LOX: variants seen among roughly 807,000 people sequenced by gnomAD.
The protein encoded by LOX is lysyl oxidase, also known as protein-lysine 6-oxidase.
LOX carries 12 observed loss-of-function variants against 50.5 expected under a neutral mutation model. That is an observed-to-expected ratio of 0.24 (90% confidence interval 0.15 to 0.38). The LOEUF (loss-of-function observed/expected upper bound fraction) is 0.38, where lower values mean the gene tolerates loss of function less well. Among genes scored for constraint, LOX ranks in the 10% least tolerant of loss-of-function variants. The probability of loss-of-function intolerance (pLI) is 1.00; values close to 1 mark genes in which losing one functional copy is unlikely to be tolerated. For missense variants in LOX, 504 were observed against 563.8 expected (o/e 0.89, Z 1.07); for synonymous variants, 254 against 230.6 (o/e 1.10, Z -0.92).
chr5:122,073,234 G>T (rs1754502960), intron 4 of LOX, among the ~76,000 whole-genome samples: 1 of 151,988 alleles, frequency 6.6e-6, no homozygotes, highest in African/African-American at 2.4e-5. Context: ...ACAAATTAGG[G>T]TTTCATATGG....
chr5:122,076,169 T>C (rs894617046), intron 2 of LOX: 1 of 152,242 alleles, frequency 6.6e-6, no homozygotes, highest in East Asian at 1.9e-4. Context: ...CTGACAATTA[T>C]AAAGGGTCAA....
In LOX at chr5:122,063,767, G is replaced by A. The variant is rs1001166914; in HGVS notation, c.*2976C>T. On this transcript the variant is annotated 3_prime_UTR_variant, in exon 7 of 7. Transcript: ENST00000231004. ...CAGTATTTTCATGCAATCTGCTAAAGATTAACTCTCAGTGCCAGGAAAATT... is the reference window on the plus strand; with the variant it reads ...CAGTATTTTCATGCAATCTGCTAAAAATTAACTCTCAGTGCCAGGAAAATT... 1 of 151,870 alleles carries A rather than the reference G, an allele frequency of 6.6e-6. No homozygotes were observed. The highest frequency in any genetic ancestry group is 2.4e-5 in the African/African-American group (1 of 41,390). The allele number at this position is 151,870 out of a possible 1,614,324, so 9.4% of individuals were successfully genotyped here. A position where few individuals can be genotyped will look rare whatever the true frequency, so the allele number is the denominator to read the frequency against.
In LOX at chr5:122,063,850, A is replaced by G. The variant is rs565941498; in HGVS notation, c.*2893T>C. 9.5e-4 allele frequency: 144 copies of G among 152,068 alleles called. No homozygotes were observed. Among genetic ancestry groups the G allele is most frequent in the African/African-American group, 3.4e-3 (141 of 41,530 alleles). The allele number at this position is 152,068 out of a possible 1,614,324, so 9.4% of individuals were successfully genotyped here. A position where few individuals can be genotyped will look rare whatever the true frequency, so the allele number is the denominator to read the frequency against. On this transcript the variant is annotated 3_prime_UTR_variant, in exon 7 of 7. Transcript: ENST00000231004. ...ATTGGGAATGTTTATAAGTGTGACT[A>G]TCCTATGAGATTTCAAAGAGAAAAA...
Position 122,070,584 on chromosome 5 carries a change from C to T in LOX, c.1041G>A (p.Leu347=). The T allele has an allele frequency of 6.4e-7, 1 of 1,571,242 alleles. No individual in the cohort carries two copies. The highest frequency in any genetic ancestry group is 1.4e-5 in the African/African-American group (1 of 74,010). The change falls in exon 5 of 7, where the codon TTG becomes TTA. Residue 347 remains leucine (L), a synonymous_variant. Coordinates refer to ENST00000231004, the MANE Select transcript of LOX (RefSeq NM_002317.7). ...RFACTAHTQG[L]SPGCYDTYGA... ...CATAGGTATCATAACAGCCAGGACT[C>T]AATCCCTAAGATAAACAAAATAAAA...
intron 4 of LOX, 25 bp from the exon 5 acceptor site, chr5:122,070,614 T>A: frequency 7.7e-7 from 1 of 1,294,128 alleles, no homozygotes; most frequent in Non-Finnish European, 1.1e-6. Flanking sequence ...ATAAAAAATT[T>A]AAAATTATGG....
chr5:122,072,963 T>G (rs1754493479), intron 4 of LOX, among the ~76,000 whole-genome samples: 1 of 152,226 alleles, frequency 6.6e-6, no homozygotes. Flanking sequence ...GAATAATGTG[T>G]GGGTAAGTTA....
At chr5:122,070,895 C>T (rs935564750) in intron 4 of LOX, 17 of 198,276 alleles carry the variant, frequency 8.6e-5, no homozygotes, top group African/African-American at 3.9e-4. Flanking sequence ...AGAATTTTAA[C>T]AGTTCAGGAA....
chr5:122,067,493 T>C (rs1232623663), intron 6 of LOX, among the ~76,000 whole-genome samples: 1 of 152,062 alleles, frequency 6.6e-6, no homozygotes, highest in Non-Finnish European at 1.5e-5. Context: ...GGAAAAGCAA[T>C]CAGTGAACTG....
chr5:122,073,093 A>C (rs1754497659), intron 4 of LOX, among the ~76,000 whole-genome samples: 1 of 152,200 alleles, frequency 6.6e-6, no homozygotes, highest in Non-Finnish European at 1.5e-5. Context: ...TAGGTCACCA[A>C]ACAGCTTCCT....
intron 6 of LOX, 100 bp downstream of exon 6, chr5:122,069,953 C>T (rs375683149): frequency 6.6e-5 from 57 of 866,642 alleles, no homozygotes; most frequent in Non-Finnish European, 9.1e-5. Context: ...TACAAGAAAG[C>T]TGCTGTAGTA....
intron 6 of LOX, among the ~76,000 whole-genome samples, chr5:122,067,715 C>T (rs3792801): frequency 0.26 from 39,893 of 152,012 alleles, 6,728 homozygotes; most frequent in African/African-American, 0.48. Context: ...CCACAAAATT[C>T]ATGCTTTAGC....
chr5:122,070,349 C>A, intron 5 of LOX, 145 bp downstream of exon 5: 1 of 649,438 alleles, frequency 1.5e-6, no homozygotes, highest in Non-Finnish European at 2.7e-6. Flanking sequence ...TAAAATAAGA[C>A]AGATTAGATT....
chr5:122,078,183 A>C lies in LOX; in HGVS notation c.-198T>G. The C allele has an allele frequency of 2.1e-6, 1 of 469,854 alleles. No homozygotes were observed. The highest frequency in any genetic ancestry group is 6.1e-5 in the South Asian group (1 of 16,338). The allele number at this position is 469,854 out of a possible 1,614,324, so 29.1% of individuals were successfully genotyped here. On this transcript the variant is annotated 5_prime_UTR_variant, in exon 1 of 7. Coordinates refer to ENST00000231004, the MANE Select transcript of LOX (RefSeq NM_002317.7). The stretch of plus-strand genomic sequence containing the variant: ...GTCAAGGCGGCTGCTCGGACGTGGC[A>C]CCCTTCCCTTTCCCCTTTCTCAGTC...
chr5:122,066,682 A>C lies in LOX; in HGVS notation c.*61T>G. ...ACATAAATCCTACTGAAGTTAGTCTATTTTTTCCCACTTCAGAACACCAGG... is the reference window on the plus strand; with the variant it reads ...ACATAAATCCTACTGAAGTTAGTCTCTTTTTTCCCACTTCAGAACACCAGG... On this transcript the variant is annotated 3_prime_UTR_variant, in exon 7 of 7. Coordinates refer to ENST00000231004, the MANE Select transcript of LOX (RefSeq NM_002317.7). 1 of 1,433,994 alleles carries C rather than the reference A, an allele frequency of 7.0e-7. No homozygotes were observed. The highest frequency in any genetic ancestry group is 9.8e-7 in the Non-Finnish European group (1 of 1,023,916). The allele number at this position is 1,433,994 out of a possible 1,614,324, so 88.8% of individuals were successfully genotyped here.
At chr5:122,071,106 G>T (rs183282448) in intron 4 of LOX, among the ~76,000 whole-genome samples, 18 of 152,166 alleles carry the variant, frequency 1.2e-4, no homozygotes, top group African/African-American at 4.3e-4. Context: ...GAGGCTGCAA[G>T]TTCCCTAAGG....
At chr5:122,070,207 A>G (rs1754410640) in intron 5 of LOX, 39 bp from the exon 6 acceptor site, 2 of 1,124,858 alleles carry the variant, frequency 1.8e-6, no homozygotes, top group African/African-American at 1.5e-5. Flanking sequence ...TTCTTTTTCC[A>G]TAGGGCTACA....
At chr5:122,066,815 C>T in intron 6 of LOX, 66 bp from the exon 7 acceptor site, 2 of 1,006,590 alleles carry the variant, frequency 2.0e-6, no homozygotes, top group Non-Finnish European at 3.1e-6. Context: ...GTACAACAGA[C>T]AAATTTAAAG....
intron 2 of LOX, among the ~76,000 whole-genome samples, chr5:122,076,432 C>A (rs1754635792): frequency 1.3e-5 from 2 of 152,142 alleles, no homozygotes; most frequent in African/African-American, 4.8e-5. Context: ...CCAAAACAAC[C>A]AAGTTCATCG....
chr5:122,064,249 C>T lies in LOX; in HGVS notation c.*2494G>A, dbSNP rs1045697266. The stretch of plus-strand genomic sequence containing the variant: ...CTGTGTTATTTTATTAATTGATAAC[C>T]TTCATCAACTAATTATTATCTTTGA... On this transcript the variant is annotated 3_prime_UTR_variant, in exon 7 of 7. Coordinates refer to ENST00000231004, the MANE Select transcript of LOX (RefSeq NM_002317.7). 1 of 151,524 alleles carries T rather than the reference C, an allele frequency of 6.6e-6. No individual in the cohort carries two copies. Among genetic ancestry groups the T allele is most frequent in the African/African-American group, 2.4e-5 (1 of 41,274 alleles). 9.4% of individuals were successfully genotyped at this position (151,524 alleles called of 1,614,324 possible).
Sources: gnomAD v4.1 joint callset for allele counts (sites outside exome capture counted in the v4.1 genomes callset) on GRCh38, gnomAD v4.1.1 for gene constraint, MANE v1.5 for transcripts, NCBI Gene and HGNC (gene_info 2026-07-23, HGNC 2026-07-21) for gene names.